CPNE4: variants seen among roughly 807,000 people sequenced by gnomAD.
CPNE4 encodes copine-4.
A neutral mutation model predicts 67.9 loss-of-function variants in CPNE4; 25 were observed. The observed-to-expected ratio is 0.37, with a 90% CI of 0.27 to 0.51. The LOEUF is 0.51. CPNE4 is among the 20% of genes least tolerant of loss of function. CPNE4 has a pLI of 0.93. For synonymous variants in CPNE4, 242 were observed against 244.9 expected, an observed-to-expected ratio of 0.99 and a Z score of 0.11; for missense variants, 464 against 690.8, an observed-to-expected ratio of 0.67 and a Z score of 3.68.
At chr3:131,572,938 T>C (rs923030792) in intron 10 of CPNE4, among the ~76,000 whole-genome samples, 2 of 152,040 alleles carry the variant, frequency 1.3e-5, no homozygotes, top group Non-Finnish European at 2.9e-5. Context: ...TAATAAACAC[T>C]TACAGACCAA....
intron 7 of CPNE4, among the ~76,000 whole-genome samples, chr3:131,658,938 G>A (rs2080050834): frequency 6.6e-6 from 1 of 152,158 alleles, no homozygotes; most frequent in African/African-American, 2.4e-5. Flanking sequence ...GAAGCTGGAT[G>A]CCCTGCAGAA....
chr3:131,923,548 T>C (rs965969540), intron 1 of CPNE4, among the ~76,000 whole-genome samples: 1 of 150,938 alleles, frequency 6.6e-6, no homozygotes, highest in South Asian at 2.1e-4. Flanking sequence ...CTACTAAAAA[T>C]ACAAAAATTA....
chr3:131,700,006 C>T (rs904073665), intron 3 of CPNE4, 26 bp from the exon 4 acceptor site: 2 of 1,405,430 alleles, frequency 1.4e-6, no homozygotes, highest in Non-Finnish European at 1.9e-6. Context: ...CAAAAGGTAA[C>T]AAAAGGTAGA....
At chr3:131,968,763 T>C (rs1049533630) in intron 1 of CPNE4, among the ~76,000 whole-genome samples, 1 of 151,928 alleles carries the variant, frequency 6.6e-6, no homozygotes, top group South Asian at 2.1e-4. Context: ...TTGGTGGGAG[T>C]GTAAATTAGT....
chr3:132,016,303 C>T (rs2073888513), intron 1 of CPNE4, among the ~76,000 whole-genome samples: 1 of 152,176 alleles, frequency 6.6e-6, no homozygotes, highest in African/African-American at 2.4e-5. Context: ...TTGGCTTACC[C>T]TAGATCTTAC....
At chr3:131,719,188 A>C (rs1012006160) in intron 3 of CPNE4, among the ~76,000 whole-genome samples, 3 of 152,208 alleles carry the variant, frequency 2.0e-5, no homozygotes, top group Non-Finnish European at 4.4e-5. Context: ...ATGATCTTGA[A>C]GGAGTTCTCA....
At chr3:131,756,652 T>G (rs1190191451) in intron 2 of CPNE4, among the ~76,000 whole-genome samples, 1 of 152,228 alleles carries the variant, frequency 6.6e-6, no homozygotes, top group African/African-American at 2.4e-5. Flanking sequence ...GGGCTCCAGT[T>G]GGCACTGGGC....
At chr3:131,766,269 T>G (rs1186368579) in intron 2 of CPNE4, among the ~76,000 whole-genome samples, 3 of 82,204 alleles carry the variant, frequency 3.6e-5, no homozygotes, top group Non-Finnish European at 8.2e-5. Flanking sequence ...TTTGTAGGGT[T>G]GTTTTGAAGA....
intron 3 of CPNE4, among the ~76,000 whole-genome samples, chr3:131,709,246 C>A (rs1051045275): frequency 3.3e-5 from 5 of 151,854 alleles, no homozygotes; most frequent in South Asian, 2.1e-4. Context: ...AAAGCCATTT[C>A]CTACAAATAA....
chr3:131,902,334 G>T (rs909563327), intron 2 of CPNE4, among the ~76,000 whole-genome samples: 2 of 152,040 alleles, frequency 1.3e-5, no homozygotes, highest in African/African-American at 2.4e-5. Flanking sequence ...TTAATAGGAC[G>T]CTTTGGAAAA....
intron 15 of CPNE4, among the ~76,000 whole-genome samples, chr3:131,536,118 G>C (rs983776860): frequency 6.6e-6 from 1 of 152,156 alleles, no homozygotes; most frequent in Non-Finnish European, 1.5e-5. Flanking sequence ...TTTAGGGGTA[G>C]TTGCAGGATT....
At chr3:131,956,943 T>C (rs1270325472) in intron 1 of CPNE4, among the ~76,000 whole-genome samples, 1 of 152,256 alleles carries the variant, frequency 6.6e-6, no homozygotes, top group Non-Finnish European at 1.5e-5. Flanking sequence ...GCTGACATTT[T>C]TGTCATCAGG....
At chr3:131,582,361 C>T (rs947354687) in intron 8 of CPNE4, among the ~76,000 whole-genome samples, 1 of 152,116 alleles carries the variant, frequency 6.6e-6, no homozygotes, top group Admixed American at 6.6e-5. Flanking sequence ...GAATAGGTCT[C>T]CAGCCTACAG....
upstream of CPNE4, chr3:132,035,166 G>T: frequency 3.9e-6 from 2 of 513,992 alleles, no homozygotes; most frequent in Non-Finnish European, 5.0e-6. Context: ...CCGTGGTCCT[G>T]CCGCGCCCGC....
At chr3:131,614,420 A>C (rs1940024128) in intron 7 of CPNE4, among the ~76,000 whole-genome samples, 1 of 152,216 alleles carries the variant, frequency 6.6e-6, no homozygotes. Flanking sequence ...AGTGAAAGCA[A>C]AGGAGAGGGG....
At chr3:131,725,272 T>C (rs1362975633) in intron 2 of CPNE4, among the ~76,000 whole-genome samples, 1 of 152,210 alleles carries the variant, frequency 6.6e-6, no homozygotes, top group Non-Finnish European at 1.5e-5. Context: ...GCCCTAGCCC[T>C]TCCTATGCAG....
At chr3:131,978,506 A>ATT (rs2072807966) in intron 1 of CPNE4, among the ~76,000 whole-genome samples, 1 of 76,668 alleles carries the variant, frequency 1.3e-5, no homozygotes, top group Non-Finnish European at 2.2e-5. Context: ...TTATATATTT[A>ATT]TATATATTTA....
chr3:131,701,630 C>A (rs966971041), intron 3 of CPNE4, among the ~76,000 whole-genome samples: 8 of 152,182 alleles, frequency 5.3e-5, no homozygotes, highest in Non-Finnish European at 1.0e-4. Flanking sequence ...AAACTGAAGT[C>A]TCTGGCTAAC....
chr3:131,696,675 C>T, intron 4 of CPNE4, 59 bp from the exon 5 acceptor site: 2 of 1,499,708 alleles, frequency 1.3e-6, no homozygotes, highest in Non-Finnish European at 1.8e-6. Context: ...CTCCAGAACC[C>T]ATGAGCAAAT....
Sources: gnomAD v4.1 joint callset for allele counts (sites outside exome capture counted in the v4.1 genomes callset) on GRCh38, gnomAD v4.1.1 for gene constraint, MANE v1.5 for transcripts, NCBI Gene and HGNC (gene_info 2026-07-23, HGNC 2026-07-21) for gene names.